The following KIAA1549L variants were observed in gnomAD, a reference collection of about 807,000 sequenced individuals.
The protein encoded by KIAA1549L is KIAA1549 like.
A neutral mutation model predicts 160.7 loss-of-function variants in KIAA1549L; 88 were observed. That is an observed-to-expected ratio of 0.55 (90% CI 0.46 to 0.65). The LOEUF (loss-of-function observed/expected upper bound fraction) is 0.65, where lower values mean the gene tolerates loss of function less well. Ranked by LOEUF, KIAA1549L falls within the 30% of genes least tolerant of loss-of-function variation. The pLI is 0.00. For missense variants in KIAA1549L, 2,258 were observed against 2,437.5 expected (o/e 0.93, Z 1.55); for synonymous variants, 950 against 976.7 (o/e 0.97, Z 0.51).
intron 9 of KIAA1549L, among the ~76,000 whole-genome samples, chr11:33,571,664 A>G (rs1855261650): frequency 6.6e-6 from 1 of 152,196 alleles, no homozygotes; most frequent in Non-Finnish European, 1.5e-5. Context: ...GAACTCATTC[A>G]CTACTGCGAG....
rs762890556 is a variant in KIAA1549L at position 33,606,667 on chromosome 11, G to A, written c.4906G>A (p.Ala1636Thr). The change falls in exon 14 of 21, where the codon GCG (alanine) becomes ACG (threonine). Residue 1636 changes from alanine (A) to threonine (T), a missense_variant. By Grantham distance (58) the Ala-to-Thr change is moderately conservative. Coordinates refer to ENST00000658780, the MANE Select transcript of KIAA1549L (RefSeq NM_012194.3). The part of the protein sequence containing the change: ...NVPASDEEEG[A>T]VLFDNSSKVA... ...GCCAGCGAGTGACGAAGAGGAGGGA[G>A]CGGTTCTATTTGACAACTCCAGCAA... The A allele has an allele frequency of 6.2e-7, 1 of 1,613,994 alleles. No homozygotes were observed. Among genetic ancestry groups the A allele is most frequent in the Non-Finnish European group, 8.5e-7 (1 of 1,179,882 alleles).
rs1050346239 is a variant in KIAA1549L at position 33,526,422 on chromosome 11, C to T, written c.239-15380C>T. ...CCAAGGACTCCCACAGAGTCCACTT[C>T]ACTCCCCTGCCACCTTTACCAGAGC... is the stretch of plus-strand genomic sequence containing the variant. On this transcript the variant is annotated intron_variant, in intron 1 of 20. Transcript: ENST00000658780. 2.0e-5 allele frequency among the ~76,000 whole-genome samples: 3 copies of T among 152,338 alleles called. 1 individual carries two copies. The highest frequency in any genetic ancestry group is 7.2e-5 in the African/African-American group (3 of 41,578).
chr11:33,641,082 A>G (rs1017564647), intron 16 of KIAA1549L, among the ~76,000 whole-genome samples: 1 of 152,258 alleles, frequency 6.6e-6, no homozygotes, highest in Admixed American at 6.5e-5. Flanking sequence ...TTCAGCCAGT[A>G]GATGTGATAT....
intron 1 of KIAA1549L, among the ~76,000 whole-genome samples, chr11:33,424,380 G>C (rs1851077133): frequency 6.6e-6 from 1 of 152,136 alleles, no homozygotes; most frequent in South Asian, 2.1e-4. Flanking sequence ...AGGCAGCTTT[G>C]CAAGAGTTTC....
chr11:33,562,657 C>A (rs1854904352), intron 8 of KIAA1549L, among the ~76,000 whole-genome samples: 1 of 150,508 alleles, frequency 6.6e-6, no homozygotes, highest in African/African-American at 2.5e-5. Context: ...CCAGTATGAC[C>A]TCATTTTAAC....
chr11:33,381,619 G>C (rs1212503891), intron 1 of KIAA1549L, among the ~76,000 whole-genome samples: 1 of 152,164 alleles, frequency 6.6e-6, no homozygotes, highest in African/African-American at 2.4e-5. Flanking sequence ...AGCCATTGGA[G>C]CATCCAAACA....
intron 1 of KIAA1549L, among the ~76,000 whole-genome samples, chr11:33,410,355 T>G (rs1266178546): frequency 6.6e-6 from 1 of 152,210 alleles, no homozygotes; most frequent in Non-Finnish European, 1.5e-5. Flanking sequence ...CTCCTGGAGC[T>G]GTTGTGAGGG....
intron 1 of KIAA1549L, among the ~76,000 whole-genome samples, chr11:33,523,260 G>A (rs1460999993): frequency 6.6e-6 from 1 of 152,170 alleles, no homozygotes; most frequent in African/African-American, 2.4e-5. Context: ...AGAAGAAAGA[G>A]TTCTGCAGTC....
chr11:33,650,127 C>G (rs1000581631), intron 17 of KIAA1549L, among the ~76,000 whole-genome samples: 2 of 152,208 alleles, frequency 1.3e-5, no homozygotes, highest in Admixed American at 1.3e-4. Flanking sequence ...TCCTTGAAGG[C>G]AGGCCATTCT....
chr11:33,475,039 G>A (rs1393787114), intron 1 of KIAA1549L, among the ~76,000 whole-genome samples: 2 of 152,214 alleles, frequency 1.3e-5, no homozygotes, highest in African/African-American at 2.4e-5. Flanking sequence ...TGGGTTTGCT[G>A]GTTGCTGCTG....
intron 12 of KIAA1549L, among the ~76,000 whole-genome samples, chr11:33,596,484 C>G (rs1850203390): frequency 6.6e-6 from 1 of 152,124 alleles, no homozygotes; most frequent in Non-Finnish European, 1.5e-5. Context: ...TGCCTGTAAT[C>G]CCAGCATTTT....
At chr11:33,650,012 T>G (rs767133354) in intron 17 of KIAA1549L, among the ~76,000 whole-genome samples, 8 of 152,210 alleles carry the variant, frequency 5.3e-5, no homozygotes, top group Non-Finnish European at 8.8e-5. Context: ...CTTCCACCTC[T>G]GGTTATACAA....
At chr11:33,477,227 G>A (rs1022639824) in intron 1 of KIAA1549L, among the ~76,000 whole-genome samples, 2 of 152,180 alleles carry the variant, frequency 1.3e-5, no homozygotes, top group African/African-American at 2.4e-5. Flanking sequence ...TGTGGCCTGA[G>A]CCCGAGGAGG....
intron 1 of KIAA1549L, among the ~76,000 whole-genome samples, chr11:33,401,792 G>A (rs933143169): frequency 1.2e-4 from 18 of 152,196 alleles, no homozygotes; most frequent in African/African-American, 4.1e-4. Flanking sequence ...TGGGATTATA[G>A]GCATGAGCCA....
chr11:33,645,746 T>C lies in KIAA1549L; in HGVS notation c.5470T>C (p.Ser1824Pro), dbSNP rs3741023. The C allele has an allele frequency of 6.2e-7, 1 of 1,613,952 alleles. No individual in the cohort carries two copies. The highest frequency in any genetic ancestry group is 2.2e-5 in the East Asian group (1 of 44,884). Reference protein sequence around the residue: ...IDRVPEPRGYSRSRQVKGHSE... With the variant: ...IDRVPEPRGYPRSRQVKGHSE... Reference sequence around the variant, plus strand: ...CAGAGTTCCTGAGCCCCGGGGCTATTCCAGGTCTCGACAGGTGAAAGGCCA... The same window carrying C: ...CAGAGTTCCTGAGCCCCGGGGCTATCCCAGGTCTCGACAGGTGAAAGGCCA... The change falls in exon 17 of 21, where the codon TCC becomes CCC. Residue 1824 changes from serine to proline, a missense_variant. Transcript: ENST00000658780.
At chr11:33,402,703 C>T (rs991619319) in intron 1 of KIAA1549L, among the ~76,000 whole-genome samples, 1 of 152,274 alleles carries the variant, frequency 6.6e-6, no homozygotes, top group Non-Finnish European at 1.5e-5. Context: ...ACCAGAAGCC[C>T]TGGCCCCTGG....
chr11:33,385,152 T>C (rs1850149474), intron 1 of KIAA1549L, among the ~76,000 whole-genome samples: 1 of 152,224 alleles, frequency 6.6e-6, no homozygotes, highest in South Asian at 2.1e-4. Flanking sequence ...TGGTGCAAAG[T>C]AAGAATCAAG....
chr11:33,504,248 G>A (rs1039971122), intron 1 of KIAA1549L, among the ~76,000 whole-genome samples: 14 of 151,874 alleles, frequency 9.2e-5, no homozygotes, highest in African/African-American at 2.9e-4. Context: ...GCGACAGAGC[G>A]AGACTCTGTC....
chr11:33,484,439 A>T (rs532034203), intron 1 of KIAA1549L, among the ~76,000 whole-genome samples: 2 of 152,338 alleles, frequency 1.3e-5, no homozygotes, highest in East Asian at 3.9e-4. Context: ...GGTTTTGAGC[A>T]AGGAACCTGC....
Sources: allele counts gnomAD v4.1 joint callset (sites outside exome capture counted in the v4.1 genomes callset), GRCh38; gene constraint gnomAD v4.1.1; transcripts MANE v1.5; gene names NCBI Gene and HGNC (gene_info 2026-07-23, HGNC 2026-07-21).